The following SLC9A7 variants were observed in gnomAD, a reference collection of about 807,000 sequenced individuals.
The protein encoded by SLC9A7 is sodium/hydrogen exchanger 7.
Under a neutral mutation model 52.6 loss-of-function variants are expected in SLC9A7, and 19 were observed. The ratio of observed to expected loss-of-function variants is 0.36; its 90% confidence interval spans 0.25 to 0.53. The LOEUF (loss-of-function observed/expected upper bound fraction) is 0.53. SLC9A7 is among the 20% of genes least tolerant of loss of function. The pLI is 0.91. For missense variants in SLC9A7, 455 were observed against 597.9 expected (o/e 0.76, Z 2.49); for synonymous variants, 226 against 252.1 (o/e 0.90, Z 0.98).
intron 1 of SLC9A7, among the ~76,000 whole-genome samples, chrX:46,688,983 A>ATT: frequency 9.2e-6 from 1 of 108,456 alleles, no homozygotes; most frequent in South Asian, 3.9e-4. Context: ...TTGTCTTAAA[A>ATT]TTTTTTTTTT....
At chrX:46,732,507 C>T (rs998446111) in intron 1 of SLC9A7, among the ~76,000 whole-genome samples, 2 of 108,498 alleles carry the variant, frequency 1.8e-5, no homozygotes, top group African/African-American at 3.4e-5. Flanking sequence ...GAGCCAAGAT[C>T]GTACCACTGC....
intron 1 of SLC9A7, among the ~76,000 whole-genome samples, chrX:46,734,922 T>C (rs984503573): frequency 3.6e-5 from 4 of 112,040 alleles, no homozygotes; most frequent in African/African-American, 9.7e-5. Context: ...CCTACTTTGT[T>C]TCTATATATT....
intron 5 of SLC9A7, among the ~76,000 whole-genome samples, chrX:46,665,557 C>CAAAAAAAAAAAAAAAAA (rs754854403): frequency 4.6e-5 from 1 of 21,770 alleles, no homozygotes; most frequent in East Asian, 1.7e-3. Context: ...GACTCCATCT[C>CAAAAAAAAAAAAAAAAA]AAAAAAAAAA....
chrX:46,653,846 C>G, intron 7 of SLC9A7, 132 bp from the exon 8 acceptor site: 1 of 420,661 alleles, frequency 2.4e-6, no homozygotes, highest in Non-Finnish European at 4.1e-6. Context: ...TTTGGAGGCT[C>G]TAAAGCTGCT....
intron 1 of SLC9A7, among the ~76,000 whole-genome samples, chrX:46,687,322 G>A (rs762940915): frequency 2.0e-4 from 23 of 112,295 alleles, no homozygotes; most frequent in African/African-American, 6.1e-4. Flanking sequence ...CACCTGATCA[G>A]TGTGGCCACC....
intron 14 of SLC9A7, among the ~76,000 whole-genome samples, chrX:46,623,790 G>C (rs897350591): frequency 1.8e-5 from 2 of 111,968 alleles, no homozygotes; most frequent in Admixed American, 1.9e-4. Context: ...TAAAACCCTT[G>C]GAATTTCCTG....
chrX:46,655,129 T>C (rs931340198), intron 7 of SLC9A7, among the ~76,000 whole-genome samples: 6 of 108,674 alleles, frequency 5.5e-5, no homozygotes, highest in Non-Finnish European at 1.1e-4. Context: ...GGATTACAGG[T>C]GCACACCACC....
intron 4 of SLC9A7, 132 bp downstream of exon 4, chrX:46,672,419 T>C (rs1247033927): frequency 6.5e-5 from 29 of 448,451 alleles, no homozygotes; most frequent in Non-Finnish European, 6.6e-5. Context: ...ATAGCTACCA[T>C]ACTGAACGGT....
chrX:46,755,939 A>G (rs1556292014), intron 1 of SLC9A7, among the ~76,000 whole-genome samples: 1 of 109,378 alleles, frequency 9.1e-6, no homozygotes, highest in African/African-American at 3.3e-5. Flanking sequence ...AAGGAAACCA[A>G]TGTTACTCAT....
In SLC9A7 at chrX:46,638,653, C is replaced by T. The variant is rs753166209; in HGVS notation, c.1617-3005G>A. Among the ~76,000 whole-genome samples, 6 of 112,089 alleles carry T rather than the reference C, an allele frequency of 5.4e-5. No homozygotes were observed. The East Asian group carries it at 1.7e-3, about 31-fold the overall frequency. On this transcript the variant is annotated intron_variant, in intron 12 of 16. Coordinates refer to ENST00000616978, the MANE Select transcript of SLC9A7 (RefSeq NM_001257291.2). Reference sequence around the variant, plus strand: ...TGACCAATTTCACAAATTACCACAACTTACCCAATATGAAATAGGTCATCT... The same window carrying T: ...TGACCAATTTCACAAATTACCACAATTTACCCAATATGAAATAGGTCATCT...
chrX:46,654,987 T>C (rs1278045884), intron 7 of SLC9A7, among the ~76,000 whole-genome samples: 2 of 98,496 alleles, frequency 2.0e-5, no homozygotes, highest in South Asian at 5.1e-4. Flanking sequence ...TCTTTCTTTT[T>C]TTTTTTTTTT....
At chrX:46,656,846 C>G (rs1198601534) in intron 7 of SLC9A7, among the ~76,000 whole-genome samples, 3 of 106,751 alleles carry the variant, frequency 2.8e-5, no homozygotes, top group African/African-American at 1.0e-4. Flanking sequence ...GGCAGGCCAA[C>G]ATTCAGATTC....
chrX:46,732,249 C>A (rs915061102), intron 1 of SLC9A7, among the ~76,000 whole-genome samples: 1 of 108,167 alleles, frequency 9.2e-6, no homozygotes, highest in African/African-American at 3.4e-5. Flanking sequence ...TTCACTCATA[C>A]TTACAAAAAT....
chrX:46,642,110 T>A (rs936807314), intron 12 of SLC9A7, among the ~76,000 whole-genome samples: 1 of 111,881 alleles, frequency 8.9e-6, no homozygotes, highest in Non-Finnish European at 1.9e-5. Flanking sequence ...AATCTCTGCC[T>A]AACATCTATA....
intron 1 of SLC9A7, among the ~76,000 whole-genome samples, chrX:46,751,917 G>A (rs1922263154): frequency 8.9e-6 from 1 of 112,220 alleles, no homozygotes; most frequent in Admixed American, 9.4e-5. Flanking sequence ...AGAGTTTAAT[G>A]AGAGTAACAG....
intron 1 of SLC9A7, among the ~76,000 whole-genome samples, chrX:46,688,363 C>T (rs1289278020): frequency 2.7e-5 from 3 of 111,303 alleles, no homozygotes; most frequent in South Asian, 3.8e-4. Context: ...TTTGGGAGGC[C>T]GAGGCGGGCA....
intron 1 of SLC9A7, among the ~76,000 whole-genome samples, chrX:46,736,910 CTGAT>C (rs1328733534): frequency 9.0e-6 from 1 of 111,364 alleles, no homozygotes; most frequent in African/African-American, 3.3e-5. Flanking sequence ...TTCTGATATT[CTGAT>C]TAATTTGCAA....
At chrX:46,641,330 T>C (rs1943402889) in intron 12 of SLC9A7, among the ~76,000 whole-genome samples, 1 of 110,806 alleles carries the variant, frequency 9.0e-6, no homozygotes, top group Admixed American at 9.6e-5. Context: ...CTCTCTACTC[T>C]CAATGGAAAA....
rs189306105 is a variant in SLC9A7 at position 46,607,703 on chromosome X, T to C, written c.1930-500A>G. ...CCATAATCAGGATTTCCTCCCTGTT[T>C]CCCCTGTCATCTCCCCACAGGAAAA... On this transcript the variant is annotated intron_variant, in intron 16 of 16. Transcript: ENST00000616978. Among the ~76,000 whole-genome samples the C allele has an allele frequency of 5.3e-3, 588 of 110,679 alleles. 5 individuals are homozygous for C. Among genetic ancestry groups the C allele is most frequent in the African/African-American group, 0.018 (557 of 30,308 alleles).
Sources: gnomAD v4.1 joint callset for allele counts (sites outside exome capture counted in the v4.1 genomes callset) on GRCh38, gnomAD v4.1.1 for gene constraint, MANE v1.5 for transcripts, NCBI Gene and HGNC (gene_info 2026-07-23, HGNC 2026-07-21) for gene names.